Variants in HCN1 observed in about 807,000 individuals in gnomAD.
The protein encoded by HCN1 is hyperpolarization activated cyclic nucleotide gated potassium channel 1.
Under a neutral mutation model 78.9 loss-of-function variants are expected in HCN1, and 13 were observed. The observed-to-expected ratio is 0.16, with a 90% CI of 0.11 to 0.26. The LOEUF (loss-of-function observed/expected upper bound fraction) is 0.26, where lower values mean the gene tolerates loss of function less well. Among genes scored for constraint, HCN1 ranks in the 10% least tolerant of loss-of-function variants. The pLI, the probability that HCN1 is intolerant of heterozygous loss-of-function variation, is 1.00. For missense variants in HCN1, 810 were observed against 1,154.3 expected, an observed-to-expected ratio of 0.70 and a Z score of 4.32; for synonymous variants, 552 against 455.5, an observed-to-expected ratio of 1.21 and a Z score of -2.70.
chr5:45,336,068 G>C (rs944995077), intron 5 of HCN1, among the ~76,000 whole-genome samples: 2 of 151,990 alleles, frequency 1.3e-5, no homozygotes, highest in Non-Finnish European at 2.9e-5. Context: ...TGAAGCTTTG[G>C]ATATTTCTCA....
intron 2 of HCN1, among the ~76,000 whole-genome samples, chr5:45,546,754 C>T (rs1743238190): frequency 6.6e-6 from 1 of 151,824 alleles, no homozygotes; most frequent in African/African-American, 2.4e-5. Flanking sequence ...ATCATAATCT[C>T]TCAGACCAGA....
At chr5:45,402,259 A>C (rs534551145) in intron 3 of HCN1, among the ~76,000 whole-genome samples, 1 of 152,258 alleles carries the variant, frequency 6.6e-6, no homozygotes, top group South Asian at 2.1e-4. Context: ...GTGAGCAGAG[A>C]ATGATATGAT....
intron 6 of HCN1, among the ~76,000 whole-genome samples, chr5:45,287,186 A>G (rs1745286081): frequency 6.6e-6 from 1 of 151,898 alleles, no homozygotes; most frequent in African/African-American, 2.4e-5. Context: ...GAGTAACATT[A>G]TTGGTAACAA....
intron 2 of HCN1, among the ~76,000 whole-genome samples, chr5:45,640,058 A>G (rs1011436073): frequency 1.3e-5 from 2 of 152,156 alleles, no homozygotes; most frequent in African/African-American, 4.8e-5. Context: ...AATTCAGTTC[A>G]GTATGTTTCA....
chr5:45,649,929 T>C (rs1174039301), intron 1 of HCN1, among the ~76,000 whole-genome samples: 1 of 152,092 alleles, frequency 6.6e-6, no homozygotes, highest in Non-Finnish European at 1.5e-5. Context: ...GGTTTTCATT[T>C]TTACAACAGA....
intron 5 of HCN1, among the ~76,000 whole-genome samples, chr5:45,304,595 A>G (rs947985871): frequency 6.6e-6 from 1 of 152,062 alleles, no homozygotes; most frequent in Non-Finnish European, 1.5e-5. Flanking sequence ...GAATTGCTTG[A>G]ACCCAGGAGG....
intron 1 of HCN1, among the ~76,000 whole-genome samples, chr5:45,667,486 A>T (rs989268750): frequency 2.0e-5 from 3 of 152,052 alleles, no homozygotes; most frequent in Non-Finnish European, 2.9e-5. Context: ...AGTTCCAAGA[A>T]AAGTAATGAG....
chr5:45,458,261 GTAAT>G (rs1456695923), intron 3 of HCN1, among the ~76,000 whole-genome samples: 1 of 151,736 alleles, frequency 6.6e-6, no homozygotes, highest in African/African-American at 2.4e-5. Flanking sequence ...TAAATATATA[GTAAT>G]TAATATTTAA....
At chr5:45,627,139 A>G (rs1343868625) in intron 2 of HCN1, among the ~76,000 whole-genome samples, 3 of 152,184 alleles carry the variant, frequency 2.0e-5, no homozygotes, top group Non-Finnish European at 2.9e-5. Flanking sequence ...GCAGGAAGAA[A>G]TACAATTCCG....
intron 2 of HCN1, among the ~76,000 whole-genome samples, chr5:45,492,502 C>A (rs1339401159): frequency 7.0e-6 from 1 of 142,126 alleles, no homozygotes; most frequent in African/African-American, 2.7e-5. Flanking sequence ...AGTGGCGTTA[C>A]CAGCAACAGT....
Position 45,669,006 on chromosome 5 carries a change from A to G in HCN1, c.426-23398T>C, listed in dbSNP as rs112016140. 5.1e-3 allele frequency among the ~76,000 whole-genome samples: 782 copies of G among 151,926 alleles called. 5 individuals are homozygous for G. Among genetic ancestry groups the G allele is most frequent in the African/African-American group, 0.018 (745 of 41,514 alleles). ...TGAATGTAGAAGGGCTGAACTTCTC[A>G]TATTTAGTATACCTAGATCTTAAAA... On this transcript the variant is annotated intron_variant, in intron 1 of 7. Transcript: ENST00000303230.
In HCN1 at chr5:45,421,511, G is replaced by A. The variant is rs189498664; in HGVS notation, c.1012-24801C>T. ...ATAATGAGTGAAGGAAGCAAACCTT[G>A]TAAGATAAAGGAACAGCTTATTAAC... On this transcript the variant is annotated intron_variant, in intron 3 of 7. Transcript: ENST00000303230. Among the ~76,000 whole-genome samples, 258 of 151,954 alleles carry A rather than the reference G, an allele frequency of 1.7e-3. 1 individual carries two copies. The highest frequency in any genetic ancestry group is 6.0e-3 in the African/African-American group (249 of 41,408).
At chr5:45,361,711 T>C (rs1747112874) in intron 4 of HCN1, among the ~76,000 whole-genome samples, 1 of 152,202 alleles carries the variant, frequency 6.6e-6, no homozygotes, top group Admixed American at 6.5e-5. Flanking sequence ...TACTTTCATC[T>C]ATGTAAAAAT....
intron 4 of HCN1, among the ~76,000 whole-genome samples, chr5:45,355,821 C>A (rs1304868334): frequency 6.6e-6 from 1 of 151,842 alleles, no homozygotes; most frequent in Non-Finnish European, 1.5e-5. Context: ...TTAGAAAATC[C>A]AAAGAAGGAT....
Position 45,470,283 on chromosome 5 carries a change from TA to T in HCN1, c.850-8277del, listed in dbSNP as rs575158878. Reference sequence around the variant, plus strand: ...GCATATACCTTCCAAAAGAAATCACTAAGTACATGATTTTGGTATTAAACCA... The same window carrying T: ...GCATATACCTTCCAAAAGAAATCACTAGTACATGATTTTGGTATTAAACCA... On this transcript the variant is annotated intron_variant, in intron 2 of 7. Coordinates refer to ENST00000303230, the MANE Select transcript of HCN1 (RefSeq NM_021072.4). Among the ~76,000 whole-genome samples, 631 of 152,120 alleles carry T rather than the reference TA, an allele frequency of 4.1e-3. 1 individual carries two copies. Among genetic ancestry groups the T allele is most frequent in the South Asian group, 0.011 (52 of 4,830 alleles).
Position 45,364,650 on chromosome 5 carries a change from C to A in HCN1, c.1231-11404G>T, listed in dbSNP as rs145666767. ...ATGTCTCTGTTTCCAACGTATTTTACTTTAAATTTTCACAAACTAACCATC... is the reference window on the plus strand; with the variant it reads ...ATGTCTCTGTTTCCAACGTATTTTAATTTAAATTTTCACAAACTAACCATC... On this transcript the variant is annotated intron_variant, in intron 4 of 7. Transcript: ENST00000303230. Among the ~76,000 whole-genome samples the A allele has an allele frequency of 2.6e-3, 400 of 152,180 alleles. 1 individual carries two copies. The highest frequency in any genetic ancestry group is 9.1e-3 in the African/African-American group (378 of 41,564).
intron 5 of HCN1, among the ~76,000 whole-genome samples, chr5:45,350,854 C>T (rs1451823972): frequency 6.6e-6 from 1 of 152,124 alleles, no homozygotes; most frequent in African/African-American, 2.4e-5. Context: ...AACTACAAAC[C>T]ACTGCTCAAT....
At chr5:45,504,116 T>A (rs1413649290) in intron 2 of HCN1, among the ~76,000 whole-genome samples, 5 of 152,116 alleles carry the variant, frequency 3.3e-5, no homozygotes, top group African/African-American at 1.2e-4. Flanking sequence ...TTCTTATTAT[T>A]ATACATTAAG....
At chr5:45,353,329 A>G in intron 4 of HCN1, 83 bp from the exon 5 acceptor site, 1 of 1,050,054 alleles carries the variant, frequency 9.5e-7, no homozygotes, top group South Asian at 1.4e-5. Flanking sequence ...GCTATATTCA[A>G]TAATATTTGA....
Sources: allele counts gnomAD v4.1 joint callset (sites outside exome capture counted in the v4.1 genomes callset), GRCh38; gene constraint gnomAD v4.1.1; transcripts MANE v1.5; gene names NCBI Gene and HGNC (gene_info 2026-07-23, HGNC 2026-07-21).